GDPD5: variants seen among roughly 807,000 people sequenced by gnomAD.
The protein encoded by GDPD5 is glycerophosphodiester phosphodiesterase 2.
A neutral mutation model predicts 75.1 loss-of-function variants in GDPD5; 48 were observed. The ratio of observed to expected loss-of-function variants is 0.64; its 90% CI spans 0.51 to 0.81. GDPD5 has a LOEUF of 0.81. Among genes scored for constraint, GDPD5 ranks in the 40% least tolerant of loss-of-function variants. The pLI is 0.00. For synonymous variants in GDPD5, 336 were observed against 339.0 expected (o/e 0.99, Z 0.10); for missense variants, 706 against 822.6 (o/e 0.86, Z 1.73).
intron 2 of GDPD5, among the ~76,000 whole-genome samples, chr11:75,482,526 C>T (rs762569627): frequency 9.9e-5 from 15 of 152,200 alleles, no homozygotes; most frequent in African/African-American, 2.2e-4. Context: ...GCCCTTTTCT[C>T]GCCATCCCCA....
intron 6 of GDPD5, among the ~76,000 whole-genome samples, chr11:75,454,041 A>C (rs1368726532): frequency 7.2e-5 from 11 of 152,228 alleles, no homozygotes; most frequent in Non-Finnish European, 1.6e-4. Context: ...GAATAAAAAA[A>C]TATATATCCC....
intron 1 of GDPD5, among the ~76,000 whole-genome samples, chr11:75,518,746 G>A (rs1950696094): frequency 6.6e-6 from 1 of 152,148 alleles, no homozygotes; most frequent in African/African-American, 2.4e-5. Flanking sequence ...CAGCATGAGG[G>A]GTCCCCTGAT....
chr11:75,440,160 T>TGTGTGCACAC (rs1254089053), intron 14 of GDPD5, among the ~76,000 whole-genome samples, 199 bp from the exon 15 acceptor site: 1 of 152,136 alleles, frequency 6.6e-6, no homozygotes, highest in African/African-American at 2.4e-5. Flanking sequence ...CCGGGGCGTG[T>TGTGTGCACAC]GTGTGCACAC....
At chr11:75,449,659 A>G (rs1949085003) in intron 7 of GDPD5, 49 bp from the exon 8 acceptor site, 1 of 1,534,050 alleles carries the variant, frequency 6.5e-7, no homozygotes, top group Admixed American at 2.0e-5. Context: ...AGCTCTGCCC[A>G]GACCCTGTGT....
intron 3 of GDPD5, among the ~76,000 whole-genome samples, chr11:75,475,400 G>A (rs1423357323): frequency 6.6e-6 from 1 of 152,180 alleles, no homozygotes; most frequent in African/African-American, 2.4e-5. Context: ...CCCCCGCAGA[G>A]CTTACGCAAG....
rs569465741 is a variant in GDPD5 at position 75,525,813 on chromosome 11, G to C, written c.-748C>G. ...CCTCGGCGCGGCGGCCGACTCCCGAGCTCCCGGCCGCGGCTCCACTTCCTC... is the reference window on the plus strand; with the variant it reads ...CCTCGGCGCGGCGGCCGACTCCCGACCTCCCGGCCGCGGCTCCACTTCCTC... On this transcript the variant is annotated 5_prime_UTR_variant, in exon 1 of 17. Transcript: ENST00000336898. The C allele has an allele frequency of 6.6e-6, 1 of 151,374 alleles. No individual in the cohort carries two copies. The highest frequency in any genetic ancestry group is 2.4e-5 in the African/African-American group (1 of 41,430). The allele number at this position is 151,374 out of a possible 1,614,324, so 9.4% of individuals were successfully genotyped here.
At chr11:75,517,601 T>C (rs1441209137) in intron 1 of GDPD5, among the ~76,000 whole-genome samples, 1 of 152,114 alleles carries the variant, frequency 6.6e-6, no homozygotes, top group East Asian at 1.9e-4. Context: ...ATTCGCTGGC[T>C]CTGGGTCTCC....
At chr11:75,489,860 T>A (rs1015214960) in intron 2 of GDPD5, among the ~76,000 whole-genome samples, 4 of 151,914 alleles carry the variant, frequency 2.6e-5, no homozygotes, top group African/African-American at 9.7e-5. Flanking sequence ...TGCCTCAGCC[T>A]CCCAAGTAGC....
chr11:75,507,011 T>C (rs981202138), intron 1 of GDPD5: 35 of 152,284 alleles, frequency 2.3e-4, no homozygotes, highest in African/African-American at 8.2e-4. Flanking sequence ...ACAGACAGCA[T>C]GGTGGACTCG....
chr11:75,449,835 T>A (rs769962940), intron 7 of GDPD5, 50 bp downstream of exon 7: 4 of 1,567,794 alleles, frequency 2.6e-6, no homozygotes. Flanking sequence ...GAAAGGGAAG[T>A]GACAGAAAGG....
intron 1 of GDPD5, among the ~76,000 whole-genome samples, chr11:75,491,976 A>G (rs1315141731): frequency 6.6e-6 from 1 of 152,126 alleles, no homozygotes; most frequent in African/African-American, 2.4e-5. Flanking sequence ...TGACCACCAG[A>G]AAGTTGGTGT....
chr11:75,444,496 C>T lies in GDPD5; in HGVS notation c.715-1G>A. ...ACATGAGCGTGTGCTCTGGAGCCAG[C>T]TGGGGAAGAAGGGGTGGTGAAGGGA... On this transcript the variant is annotated splice_acceptor_variant, in intron 9 of 16. Transcript: ENST00000336898. LOFTEE classifies it high-confidence loss of function. The T allele has an allele frequency of 6.2e-7, 1 of 1,612,648 alleles. No individual in the cohort carries two copies. Among genetic ancestry groups the T allele is most frequent in the Non-Finnish European group, 8.5e-7 (1 of 1,179,056 alleles).
intron 2 of GDPD5, among the ~76,000 whole-genome samples, chr11:75,484,259 G>C (rs1949977138): frequency 6.6e-6 from 1 of 152,136 alleles, no homozygotes; most frequent in Admixed American, 6.5e-5. Flanking sequence ...ACTTTATCTC[G>C]ATAAAACTTT....
At chr11:75,445,274 C>T (rs1948956407) in intron 9 of GDPD5, among the ~76,000 whole-genome samples, 1 of 152,170 alleles carries the variant, frequency 6.6e-6, no homozygotes, top group Non-Finnish European at 1.5e-5. Context: ...TTCAACTTCC[C>T]AAATAGCTGG....
intron 3 of GDPD5, among the ~76,000 whole-genome samples, chr11:75,467,998 CG>C (rs1393925123): frequency 6.6e-6 from 1 of 152,124 alleles, no homozygotes; most frequent in Non-Finnish European, 1.5e-5. Flanking sequence ...TCATTAGCAG[CG>C]GGGGCTCATA....
At chr11:75,489,763 A>C (rs1171505055) in intron 2 of GDPD5, among the ~76,000 whole-genome samples, 1 of 149,394 alleles carries the variant, frequency 6.7e-6, no homozygotes, top group East Asian at 2.0e-4. Flanking sequence ...TTTTAGAGAC[A>C]CAGTCTCACT....
At chr11:75,449,195 C>A (rs1227452603) in intron 8 of GDPD5, 73 bp from the exon 9 acceptor site, 2 of 1,500,712 alleles carry the variant, frequency 1.3e-6, no homozygotes, top group South Asian at 2.6e-5. Flanking sequence ...GACCCCTCTA[C>A]CCCCGACCTG....
At chr11:75,482,133 G>A (rs570906375) in intron 2 of GDPD5, among the ~76,000 whole-genome samples, 7 of 151,374 alleles carry the variant, frequency 4.6e-5, no homozygotes, top group Middle Eastern at 3.4e-3. Context: ...CTGTCCCCAC[G>A]ACTGCACATT....
rs116765849 is a variant in GDPD5, at chr11:75,492,769, G to A, written c.-144-2449C>T. ...ATTTTTGAGACGGAGTTTCGCTCTT[G>A]TTGCCCAGGTTATAATGCAGTGGTG... On this transcript the variant is annotated intron_variant, in intron 1 of 16. Coordinates refer to ENST00000336898, the MANE Select transcript of GDPD5 (RefSeq NM_030792.8). Among the ~76,000 whole-genome samples the A allele has an allele frequency of 9.3e-3, 1,413 of 152,290 alleles. 21 individuals are homozygous for A. Among genetic ancestry groups the A allele is most frequent in the African/African-American group, 0.032 (1,314 of 41,546 alleles).
Sources: gnomAD v4.1 joint callset for allele counts (sites outside exome capture counted in the v4.1 genomes callset) on GRCh38, gnomAD v4.1.1 for gene constraint, MANE v1.5 for transcripts, NCBI Gene and HGNC (gene_info 2026-07-23, HGNC 2026-07-21) for gene names.